WWOX: variants seen among roughly 807,000 people sequenced by gnomAD.
WWOX encodes WW domain-containing oxidoreductase.
In WWOX, 69 loss-of-function variants were observed where a neutral mutation model predicts 46.2. That is an observed-to-expected ratio of 1.49 (90% CI 1.23 to 1.82). The LOEUF (loss-of-function observed/expected upper bound fraction) is 1.82, where lower values mean the gene tolerates loss of function less well. Among genes scored for constraint, WWOX ranks in the 40% most tolerant of loss-of-function variants. The pLI is 0.00. For synonymous variants in WWOX, 359 were observed against 202.6 expected (o/e 1.77, Z -6.56); for missense variants, 919 against 542.6 (o/e 1.69, Z -6.89).
At chr16:78,219,653 T>C (rs2036828238) in intron 5 of WWOX, among the ~76,000 whole-genome samples, 1 of 152,202 alleles carries the variant, frequency 6.6e-6, no homozygotes, top group Non-Finnish European at 1.5e-5. Flanking sequence ...TTGCTTTCTC[T>C]CTCATATTAT....
At chr16:78,436,109 A>G (rs2083329919) in intron 8 of WWOX, among the ~76,000 whole-genome samples, 1 of 152,176 alleles carries the variant, frequency 6.6e-6, no homozygotes, top group Non-Finnish European at 1.5e-5. Context: ...TGCCTTTCGC[A>G]TGGGAGGTAT....
intron 5 of WWOX, among the ~76,000 whole-genome samples, chr16:78,357,232 G>A (rs762828431): frequency 1.3e-5 from 2 of 152,138 alleles, no homozygotes; most frequent in Admixed American, 6.5e-5. Flanking sequence ...TCTCTGGATG[G>A]TGGTGTCATG....
chr16:78,969,336 C>T (rs1022268767), intron 8 of WWOX, among the ~76,000 whole-genome samples: 1 of 150,884 alleles, frequency 6.6e-6, no homozygotes. Flanking sequence ...ATGGTGCTAT[C>T]TTGGCCCACT....
Position 78,156,018 on chromosome 16 carries a change from AG to A in WWOX, c.410-8162del, listed in dbSNP as rs368187166. The stretch of plus-strand genomic sequence containing the variant: ...GTTTCTGTTCCAAAGGCAATTGTAA[AG>A]GGTAAGAAAATGGAGTTGTCTATTG... On this transcript the variant is annotated intron_variant, in intron 4 of 8. Coordinates refer to ENST00000566780, the MANE Select transcript of WWOX (RefSeq NM_016373.4). Among the ~76,000 whole-genome samples the A allele has an allele frequency of 2.2e-4, 34 of 152,318 alleles. No individual in the cohort carries two copies. In the East Asian group the frequency reaches 4.8e-3, roughly 22 times the overall value.
chr16:79,061,880 G>T (rs1441146162), intron 8 of WWOX, among the ~76,000 whole-genome samples: 1 of 152,186 alleles, frequency 6.6e-6, no homozygotes, highest in Non-Finnish European at 1.5e-5. Context: ...TAGACACTAT[G>T]ATTCCCATTA....
At chr16:78,883,366 T>C (rs1377014221) in intron 8 of WWOX, among the ~76,000 whole-genome samples, 1 of 152,128 alleles carries the variant, frequency 6.6e-6, no homozygotes, top group African/African-American at 2.4e-5. Flanking sequence ...AGGACTGTAG[T>C]GGGAAACTCG....
chr16:78,605,211 T>C (rs58019028), intron 8 of WWOX, among the ~76,000 whole-genome samples: 3,169 of 151,726 alleles, frequency 0.021, 101 homozygotes, highest in African/African-American at 0.071. Flanking sequence ...CTTCATGATA[T>C]TTGATATGTC....
At chr16:78,934,715 G>A (rs2045699836) in intron 8 of WWOX, among the ~76,000 whole-genome samples, 1 of 152,092 alleles carries the variant, frequency 6.6e-6, no homozygotes, top group African/African-American at 2.4e-5. Flanking sequence ...ATTTGACAGT[G>A]GGGCCACAGC....
chr16:78,143,667 A>G (rs2034064198), intron 4 of WWOX, among the ~76,000 whole-genome samples: 1 of 151,910 alleles, frequency 6.6e-6, no homozygotes, highest in South Asian at 2.1e-4. Flanking sequence ...TTATTCTGTT[A>G]ACATGTTTCC....
At position 78,857,857 on chromosome 16, in the gene WWOX, C is replaced by T. The variant is rs1046572211; in HGVS notation, c.1057-353751C>T. ...TGAAGAACAAGTTGGCATTTTTGAC[C>T]GAAATTAAACACATGCCTTTTGATC... is the stretch of plus-strand genomic sequence containing the variant. On this transcript the variant is annotated intron_variant, in intron 8 of 8. Coordinates refer to ENST00000566780, the MANE Select transcript of WWOX (RefSeq NM_016373.4). Among the ~76,000 whole-genome samples the T allele has an allele frequency of 6.6e-5, 10 of 152,100 alleles. No individual in the cohort carries two copies. In the East Asian group the frequency reaches 1.2e-3, roughly 18 times the overall value.
intron 8 of WWOX, among the ~76,000 whole-genome samples, chr16:78,688,465 A>G (rs1011267494): frequency 2.4e-4 from 36 of 151,706 alleles, no homozygotes; most frequent in Non-Finnish European, 1.8e-4. Flanking sequence ...TCTCTATTGC[A>G]TATTAACCCA....
intron 8 of WWOX, among the ~76,000 whole-genome samples, chr16:78,685,497 A>C (rs746651084): frequency 6.6e-6 from 1 of 152,240 alleles, no homozygotes; most frequent in Non-Finnish European, 1.5e-5. Flanking sequence ...GCATTTTAAA[A>C]CTAGACCTGG....
At chr16:78,848,630 C>A (rs551608705) in intron 8 of WWOX, among the ~76,000 whole-genome samples, 2 of 152,098 alleles carry the variant, frequency 1.3e-5, no homozygotes, top group South Asian at 4.1e-4. Context: ...ATCTAAGTGG[C>A]CAAATTTAGC....
intron 4 of WWOX, among the ~76,000 whole-genome samples, chr16:78,135,808 T>C (rs1302441393): frequency 6.6e-6 from 1 of 152,160 alleles, no homozygotes; most frequent in African/African-American, 2.4e-5. Context: ...TTGTCAGTCC[T>C]TTTGGGAGTT....
intron 5 of WWOX, among the ~76,000 whole-genome samples, chr16:78,194,062 T>C (rs1259097062): frequency 1.4e-5 from 2 of 146,440 alleles, no homozygotes; most frequent in African/African-American, 5.3e-5. Flanking sequence ...GTATTTTTGG[T>C]AGAGACGGGG....
intron 8 of WWOX, among the ~76,000 whole-genome samples, chr16:78,925,142 C>A (rs542328094): frequency 3.7e-4 from 56 of 152,258 alleles, no homozygotes; most frequent in Middle Eastern, 6.8e-3. Context: ...CTGCAGTGAG[C>A]AATGATATTG....
intron 8 of WWOX, among the ~76,000 whole-genome samples, chr16:78,544,662 C>T (rs1407191116): frequency 1.3e-5 from 2 of 152,058 alleles, no homozygotes; most frequent in African/African-American, 2.4e-5. Flanking sequence ...AACTTGAGTC[C>T]GGGAGTTTGA....
chr16:78,691,806 T>C (rs767212961), intron 8 of WWOX, among the ~76,000 whole-genome samples: 4 of 152,210 alleles, frequency 2.6e-5, no homozygotes, highest in East Asian at 1.9e-4. Flanking sequence ...GTGAGTGATA[T>C]GGTTTGGATG....
intron 8 of WWOX, among the ~76,000 whole-genome samples, chr16:78,668,490 G>T (rs1313550961): frequency 6.6e-6 from 1 of 152,068 alleles, no homozygotes; most frequent in Non-Finnish European, 1.5e-5. Context: ...CTTACTCTGG[G>T]CTAGGCCCTG....
Sources: gnomAD v4.1 joint callset for allele counts (sites outside exome capture counted in the v4.1 genomes callset) on GRCh38, gnomAD v4.1.1 for gene constraint, MANE v1.5 for transcripts, NCBI Gene and HGNC (gene_info 2026-07-23, HGNC 2026-07-21) for gene names.